RHBDF2: variants seen among roughly 807,000 people sequenced by gnomAD.
RHBDF2 encodes rhomboid 5 homolog 2, also known as inactive rhomboid protein 2.
A neutral mutation model predicts 95.2 loss-of-function variants in RHBDF2; 38 were observed. That is an observed-to-expected ratio of 0.40 (90% CI 0.31 to 0.52). The LOEUF is 0.52. RHBDF2 is among the 20% of genes least tolerant of loss of function. RHBDF2 has a pLI of 0.56. For synonymous variants in RHBDF2, 442 were observed against 462.0 expected (o/e 0.96, Z 0.55); for missense variants, 863 against 1,137.7 (o/e 0.76, Z 3.47).
chr17:76,472,223 G>A (rs967585615), intron 18 of RHBDF2, 171 bp from the exon 19 acceptor site: 8 of 647,664 alleles, frequency 1.2e-5, no homozygotes, highest in South Asian at 3.9e-5. Context: ...GGCCTGCTCC[G>A]CCCATTCTTT....
At chr17:76,477,869 C>T (rs2073825399) in intron 6 of RHBDF2, 84 bp from the exon 7 acceptor site, 5 of 1,554,656 alleles carry the variant, frequency 3.2e-6, no homozygotes, top group Non-Finnish European at 3.5e-6. Context: ...AATCATCAAG[C>T]CCATCCGCCT....
At chr17:76,479,985 C>A in intron 3 of RHBDF2, 131 bp from the exon 4 acceptor site, 1 of 1,197,786 alleles carries the variant, frequency 8.3e-7, no homozygotes, top group Non-Finnish European at 1.1e-6. Context: ...AATTTGCTTT[C>A]ATTTGGAAAT....
intron 1 of RHBDF2, among the ~76,000 whole-genome samples, chr17:76,489,484 C>T (rs560079693): frequency 2.6e-5 from 4 of 152,208 alleles, no homozygotes; most frequent in South Asian, 2.1e-4. Context: ...CCACCACACC[C>T]GGCTAATTTT....
intron 15 of RHBDF2, 28 bp from the exon 16 acceptor site, chr17:76,473,355 C>T (rs752376705): frequency 3.8e-5 from 61 of 1,587,176 alleles, no homozygotes; most frequent in Non-Finnish European, 5.2e-6. Flanking sequence ...CAAGAGGGGA[C>T]ATCAGGGCGC....
In RHBDF2 at chr17:76,477,639, C is replaced by T. The variant is rs377452340; in HGVS notation, c.801+18G>A. On this transcript the variant is annotated intron_variant, in intron 7 of 18. Coordinates refer to ENST00000675367, the MANE Select transcript of RHBDF2 (RefSeq NM_001005498.4). ...GGCCACCCCACCCAACTCCTGCTGT[C>T]CCACACCCCATGCTTGCCTTACTAA... is the stretch of plus-strand genomic sequence containing the variant. The T allele has an allele frequency of 3.7e-6, 6 of 1,613,304 alleles. No homozygotes were observed. The highest frequency in any genetic ancestry group is 5.1e-6 in the Non-Finnish European group (6 of 1,179,624).
chr17:76,472,179 C>A (rs1433492324), intron 18 of RHBDF2, 127 bp from the exon 19 acceptor site: 9 of 916,440 alleles, frequency 9.8e-6, no homozygotes, highest in Non-Finnish European at 1.4e-5. Context: ...GGCTGAGGGG[C>A]AGGGGGTCGG....
intron 1 of RHBDF2, among the ~76,000 whole-genome samples, chr17:76,499,322 G>A (rs1015870151): frequency 7.2e-5 from 11 of 152,244 alleles, no homozygotes; most frequent in Non-Finnish European, 1.6e-4. Flanking sequence ...GGTGGCCCCA[G>A]CTCCTGGGCA....
chr17:76,496,314 G>A (rs972031374), intron 1 of RHBDF2, among the ~76,000 whole-genome samples: 3 of 152,176 alleles, frequency 2.0e-5, no homozygotes, highest in Non-Finnish European at 4.4e-5. Context: ...ATCTCTATTC[G>A]ACAGGTGGGG....
chr17:76,500,688 G>A (rs1408355448), intron 1 of RHBDF2, among the ~76,000 whole-genome samples: 1 of 152,178 alleles, frequency 6.6e-6, no homozygotes, highest in Non-Finnish European at 1.5e-5. Context: ...GGCGGGGTCT[G>A]TACCCTAGGG....
In RHBDF2 at chr17:76,473,642, G is replaced by A. The variant is rs367778886; in HGVS notation, c.1733+6C>T. On this transcript the variant is annotated splice_donor_region_variant and intron_variant, in intron 15 of 18. Transcript: ENST00000675367. ...GATGGCTGAGGCCAGGGCCCAGGTC[G>A]CTCACCTGCCCTTGGTGCCGATGCA... is the stretch of plus-strand genomic sequence containing the variant. 6.9e-6 allele frequency: 11 copies of A among 1,599,510 alleles called. No individual in the cohort carries two copies. Among genetic ancestry groups the A allele is most frequent in the East Asian group, 6.8e-5 (3 of 44,250 alleles).
intron 2 of RHBDF2, 153 bp from the exon 3 acceptor site, chr17:76,481,698 T>A: frequency 1.6e-6 from 1 of 608,224 alleles, no homozygotes; most frequent in Non-Finnish European, 2.8e-6. Flanking sequence ...CTCACGCCTG[T>A]AATCCCAGCA....
intron 2 of RHBDF2, among the ~76,000 whole-genome samples, chr17:76,485,812 A>G (rs1327185267): frequency 6.6e-6 from 1 of 152,196 alleles, no homozygotes; most frequent in Non-Finnish European, 1.5e-5. Flanking sequence ...TAACAAAGCT[A>G]CAACGTGGAC....
At chr17:76,491,633 C>T (rs530774085) in intron 1 of RHBDF2, among the ~76,000 whole-genome samples, 8 of 152,320 alleles carry the variant, frequency 5.3e-5, no homozygotes, top group South Asian at 2.1e-4. Context: ...GACAAGGTCA[C>T]GGCCCAGCTT....
intron 2 of RHBDF2, among the ~76,000 whole-genome samples, chr17:76,482,528 C>G (rs566864938): frequency 1.2e-4 from 18 of 152,262 alleles, no homozygotes; most frequent in African/African-American, 3.8e-4. Context: ...AATCCCAGCA[C>G]TTTGGGAGGC....
chr17:76,483,990 G>A (rs1380949024), intron 2 of RHBDF2, among the ~76,000 whole-genome samples: 1 of 151,992 alleles, frequency 6.6e-6, no homozygotes, highest in Non-Finnish European at 1.5e-5. Context: ...GGCCGGGCGC[G>A]GTGGCTCATG....
intron 1 of RHBDF2, among the ~76,000 whole-genome samples, chr17:76,498,186 C>T (rs2074475490): frequency 6.6e-6 from 1 of 152,172 alleles, no homozygotes; most frequent in African/African-American, 2.4e-5. Context: ...AGAGCTGTCC[C>T]TGCCTAGCCA....
chr17:76,488,677 A>G (rs1303859314), intron 1 of RHBDF2, among the ~76,000 whole-genome samples: 1 of 152,068 alleles, frequency 6.6e-6, no homozygotes, highest in Non-Finnish European at 1.5e-5. Flanking sequence ...GGCTGGGTGC[A>G]GTGGCTCACG....
At chr17:76,498,832 G>GAGTC (rs2074501784) in intron 1 of RHBDF2, among the ~76,000 whole-genome samples, 3 of 144,988 alleles carry the variant, frequency 2.1e-5, no homozygotes, top group Admixed American at 1.3e-4. Context: ...GTGAGTCTGT[G>GAGTC]TGTGTCTGTG....
At chr17:76,477,061 C>A in intron 8 of RHBDF2, 37 bp from the exon 9 acceptor site, 1 of 1,611,472 alleles carries the variant, frequency 6.2e-7, no homozygotes, top group Non-Finnish European at 8.5e-7. Flanking sequence ...GAATCCCCCA[C>A]CAAAATACTC....
Sources: gnomAD v4.1 joint callset for allele counts (sites outside exome capture counted in the v4.1 genomes callset) on GRCh38, gnomAD v4.1.1 for gene constraint, MANE v1.5 for transcripts, NCBI Gene and HGNC (gene_info 2026-07-23, HGNC 2026-07-21) for gene names.